Variants in CSF2RA observed in about 807,000 individuals in gnomAD.
CSF2RA encodes granulocyte-macrophage colony-stimulating factor receptor subunit alpha.
Under a neutral mutation model 51.6 loss-of-function variants are expected in CSF2RA, and 42 were observed. The ratio of observed to expected loss-of-function variants is 0.81; its 90% CI spans 0.64 to 1.05. CSF2RA has a LOEUF of 1.05. Ranked by LOEUF, CSF2RA falls within the 50% of genes least tolerant of loss-of-function variation. The pLI is 0.00. For synonymous variants in CSF2RA, 222 were observed against 193.0 expected, an observed-to-expected ratio of 1.15 and a Z score of -1.24; for missense variants, 530 against 501.1, an observed-to-expected ratio of 1.06 and a Z score of -0.55.
At chrX:1,291,653 C>T (rs1434845900) in intron 7 of CSF2RA, among the ~76,000 whole-genome samples, 2 of 152,098 alleles carry the variant, frequency 1.3e-5, no homozygotes, top group Non-Finnish European at 2.9e-5. Flanking sequence ...AGCCCATCCC[C>T]ACCTCCCACC....
At chrX:1,281,349 T>C (rs865868089) in intron 2 of CSF2RA, among the ~76,000 whole-genome samples, 867 of 21,270 alleles carry the variant, frequency 0.041, no homozygotes, top group Middle Eastern at 0.062. Flanking sequence ...CCTTCTCCTC[T>C]TCCTCCTTCT....
chrX:1,287,898 G>C (rs2090943852), intron 4 of CSF2RA, among the ~76,000 whole-genome samples: 1 of 138,360 alleles, frequency 7.2e-6, no homozygotes, highest in African/African-American at 2.7e-5. Flanking sequence ...CACCACACCT[G>C]GCTAATTTTT....
intron 7 of CSF2RA, 35 bp from the exon 8 acceptor site, chrX:1,294,293 C>T (rs775321600): frequency 1.4e-5 from 22 of 1,611,886 alleles, no homozygotes; most frequent in African/African-American, 1.2e-4. Flanking sequence ...CAGGACCTCT[C>T]GGGTTCAGGG....
chrX:1,309,592 A>G lies in CSF2RA; in HGVS notation c.*113A>G, dbSNP rs1569513733. 3 of 1,613,930 alleles carry G rather than the reference A, an allele frequency of 1.9e-6. No homozygotes were observed. The highest frequency in any genetic ancestry group is 2.5e-6 in the Non-Finnish European group (3 of 1,179,816). ...TCATTTTCTATGTTTTTATTTAAAAACATGACATTTGGGGCCAGGCGCGGT... is the reference window on the plus strand; with the variant it reads ...TCATTTTCTATGTTTTTATTTAAAAGCATGACATTTGGGGCCAGGCGCGGT... On this transcript the variant is annotated 3_prime_UTR_variant, in exon 13 of 13. Transcript: ENST00000381529.
intron 9 of CSF2RA, chrX:1,300,238 T>C: frequency 2.3e-6 from 1 of 426,366 alleles, no homozygotes; most frequent in South Asian, 3.5e-5. Context: ...ATAAATAAAA[T>C]AAAATAAAAA....
In CSF2RA at chrX:1,280,922, C is replaced by CCTG. The variant is rs1569494355; in HGVS notation, c.-26-1754_-26-1753insGCT. On this transcript the variant is annotated intron_variant, in intron 2 of 12. Coordinates refer to ENST00000381529, the MANE Select transcript of CSF2RA (RefSeq NM_172245.4). ...TCCTCCTGCTCCTTCTCCTCCTCCT[C>CCTG]CTCCTTCTCCTCCTCCTCCTCCTGC... Among the ~76,000 whole-genome samples the CCTG allele has an allele frequency of 1.3e-3, 172 of 133,088 alleles. 3 individuals carry two copies. The highest frequency in any genetic ancestry group is 4.6e-3 in the Middle Eastern group (1 of 216). 87.3% of individuals were successfully genotyped at this position (133,088 alleles called of 152,430 possible). A position where few individuals can be genotyped will look rare whatever the true frequency, so the allele number is the denominator to read the frequency against.
At chrX:1,276,992 G>A (rs1432003260) in intron 2 of CSF2RA, among the ~76,000 whole-genome samples, 3 of 151,840 alleles carry the variant, frequency 2.0e-5, no homozygotes, top group Non-Finnish European at 4.4e-5. Context: ...CCAGCTACTC[G>A]AGAGGCTGAG....
intron 6 of CSF2RA, 106 bp downstream of exon 6, chrX:1,288,994 C>T (rs1188484131): frequency 2.2e-5 from 32 of 1,479,530 alleles, no homozygotes; most frequent in African/African-American, 2.8e-5. Flanking sequence ...CATGGTCTTG[C>T]TCTGTTGCCC....
At chrX:1,283,949 G>A (rs745723853) in intron 3 of CSF2RA, among the ~76,000 whole-genome samples, 2 of 151,924 alleles carry the variant, frequency 1.3e-5, no homozygotes, top group Non-Finnish European at 2.9e-5. Context: ...TTGCGTTTCC[G>A]GGAGGGACCC....
At chrX:1,317,259 T>A in the CSF2RA span, among the ~76,000 whole-genome samples, 3 of 116,062 alleles carry the variant, frequency 2.6e-5, no homozygotes, top group Non-Finnish European at 1.8e-5. Context: ...TTTTTTTTTT[T>A]TTTTTTTTTG....
intron 11 of CSF2RA, among the ~76,000 whole-genome samples, chrX:1,305,069 C>G (rs2083426552): frequency 1.3e-5 from 2 of 151,394 alleles, no homozygotes; most frequent in African/African-American, 4.9e-5. Flanking sequence ...TCTCGGCTCA[C>G]TGCAACCTCC....
Position 1,307,006 on chromosome X carries a change from C to G in CSF2RA, c.1125+1479C>G, listed in dbSNP as rs181158300. Among the ~76,000 whole-genome samples the G allele has an allele frequency of 1.7e-3, 255 of 151,632 alleles. 2 individuals are homozygous for G. The highest frequency in any genetic ancestry group is 5.9e-3 in the African/African-American group (245 of 41,318). On this transcript the variant is annotated intron_variant, in intron 12 of 12. Coordinates refer to ENST00000381529, the MANE Select transcript of CSF2RA (RefSeq NM_172245.4). Reference sequence around the variant, plus strand: ...AGACAGGGAAGACAGAGGAGTCGGACTTAGTCTCAGCGAGAGCCCAGAGAG... The same window carrying G: ...AGACAGGGAAGACAGAGGAGTCGGAGTTAGTCTCAGCGAGAGCCCAGAGAG...
chrX:1,309,987 G>A (rs753410013), downstream of CSF2RA: 1 of 484,664 alleles, frequency 2.1e-6, no homozygotes, highest in African/African-American at 2.0e-5. Context: ...CTGGAGACAG[G>A]AGTTTAAGAC....
At chrX:1,304,690 C>G (rs1169260262) in intron 11 of CSF2RA, among the ~76,000 whole-genome samples, 3 of 151,416 alleles carry the variant, frequency 2.0e-5, no homozygotes, top group African/African-American at 7.3e-5. Context: ...TTGAGACAGA[C>G]TTTTGCTCTT....
At chrX:1,316,323 G>C in the CSF2RA span, among the ~76,000 whole-genome samples, 39 of 148,724 alleles carry the variant, frequency 2.6e-4, no homozygotes, top group African/African-American at 9.3e-4. Flanking sequence ...GACAGACAGA[G>C]AGGTAGTTGG....
chrX:1,295,506 TCC>T, intron 9 of CSF2RA, 50 bp downstream of exon 9: 1 of 1,557,982 alleles, frequency 6.4e-7, no homozygotes, highest in Non-Finnish European at 8.7e-7. Context: ...AACCCTACGG[TCC>T]CCTACTCACC....
the CSF2RA span, among the ~76,000 whole-genome samples, chrX:1,318,476 T>A: frequency 6.6e-6 from 1 of 151,762 alleles, no homozygotes; most frequent in African/African-American, 2.4e-5. Context: ...GCTGAACTTT[T>A]GTCTCCACTG....
At chrX:1,314,345 G>GCCTGCCCAACCCCACTGCA (rs2084354648), downstream of CSF2RA, among the ~76,000 whole-genome samples, 1 of 29,890 alleles carries the variant, frequency 3.3e-5, no homozygotes, top group Non-Finnish European at 6.0e-5. Context: ...ACCCCACTGC[G>GCCTGCCCAACCCCACTGCA]CCTGCCCAAC....
intron 2 of CSF2RA, among the ~76,000 whole-genome samples, chrX:1,276,841 C>G (rs2089250503): frequency 6.6e-6 from 1 of 152,072 alleles, no homozygotes; most frequent in Admixed American, 6.6e-5. Context: ...TGGCTCACGC[C>G]TGCAATCCCA....
Sources: gnomAD v4.1 joint callset for allele counts (sites outside exome capture counted in the v4.1 genomes callset) on GRCh38, gnomAD v4.1.1 for gene constraint, MANE v1.5 for transcripts, NCBI Gene and HGNC (gene_info 2026-07-23, HGNC 2026-07-21) for gene names.